Variants in MPP2 observed in about 807,000 individuals in gnomAD.
MPP2 encodes the protein MAGUK p55 subfamily member 2.
In MPP2, 42 loss-of-function variants were observed where a neutral mutation model predicts 58.5. The observed-to-expected ratio is 0.72, with a 90% CI of 0.56 to 0.93. MPP2 has a LOEUF of 0.93. Among genes scored for constraint, MPP2 ranks in the 40% least tolerant of loss-of-function variants. MPP2 has a pLI of 0.00. For synonymous variants in MPP2, 300 were observed against 307.8 expected, an observed-to-expected ratio of 0.97 and a Z score of 0.26; for missense variants, 632 against 760.4, an observed-to-expected ratio of 0.83 and a Z score of 1.99.
At chr17:43,883,386 G>A (rs1252033853) in intron 3 of MPP2, 31 bp from the exon 4 acceptor site, 2 of 1,599,316 alleles carry the variant, frequency 1.3e-6, no homozygotes, top group African/African-American at 1.3e-5. Flanking sequence ...GGTGGGGCTA[G>A]GAGCTTCCCC....
intron 3 of MPP2, among the ~76,000 whole-genome samples, chr17:43,894,617 A>G (rs1412416613): frequency 0.014 from 102 of 7,368 alleles, no homozygotes; most frequent in African/African-American, 0.02. Context: ...ACTCCAGAGG[A>G]AAAAAAAAAA....
intron 1 of MPP2, among the ~76,000 whole-genome samples, chr17:43,906,648 G>A (rs1002460082): frequency 1.3e-5 from 2 of 152,156 alleles, no homozygotes; most frequent in Non-Finnish European, 2.9e-5. Context: ...AGAGGATGGG[G>A]TCGAAAGGCC....
At chr17:43,893,695 T>C (rs1208013840) in intron 3 of MPP2, among the ~76,000 whole-genome samples, 1 of 152,182 alleles carries the variant, frequency 6.6e-6, no homozygotes, top group African/African-American at 2.4e-5. Context: ...GGTTGTGTGC[T>C]CCTTATGAGA....
In MPP2 at chr17:43,877,544, T is replaced by C. The variant is rs1221922372; in HGVS notation, c.*263A>G. ...GGTGACTCTGACACATTCCTGGGCA[T>C]AGCTTGGCCCTCAGAGATATCTGGT... On this transcript the variant is annotated 3_prime_UTR_variant, in exon 13 of 13. Coordinates refer to ENST00000269095, the MANE Select transcript of MPP2 (RefSeq NM_005374.5). The C allele has an allele frequency of 4.1e-6, 2 of 487,194 alleles. No homozygotes were observed. Among genetic ancestry groups the C allele is most frequent in the Middle Eastern group, 5.6e-4 (1 of 1,788 alleles). 30.2% of individuals were successfully genotyped at this position (487,194 alleles called of 1,614,324 possible). A position where few individuals can be genotyped will look rare whatever the true frequency, so the allele number is the denominator to read the frequency against.
intron 3 of MPP2, among the ~76,000 whole-genome samples, chr17:43,893,946 C>T (rs2047710875): frequency 6.6e-6 from 1 of 152,074 alleles, no homozygotes; most frequent in African/African-American, 2.4e-5. Context: ...AACAGAAGCA[C>T]CTTACACTAT....
chr17:43,907,598 C>G (rs371906254), upstream of MPP2: 5 of 985,404 alleles, frequency 5.1e-6, no homozygotes, highest in East Asian at 1.1e-4. Flanking sequence ...GGGCGGAGGT[C>G]CGGAGGAGAG....
chr17:43,888,718 A>G (rs1427587944), intron 3 of MPP2, among the ~76,000 whole-genome samples: 1 of 152,124 alleles, frequency 6.6e-6, no homozygotes, highest in Non-Finnish European at 1.5e-5. Context: ...GGGGGAAGCC[A>G]GGGTGCCTCC....
At position 43,879,802 on chromosome 17, in the gene MPP2, C is replaced by T. The variant is rs1442021506; in HGVS notation, c.1333G>A (p.Val445Met). The T allele has an allele frequency of 3.1e-6, 5 of 1,613,518 alleles. No homozygotes were observed. The highest frequency in any genetic ancestry group is 4.2e-6 in the Non-Finnish European group (5 of 1,179,876). ...RGVVAAGKVC[V>M]LDVNPQAVKV... is the part of the protein sequence containing the mutation. ...GGTACCTGGGGGTTGACATCCAGCA[C>T]GCACACCTTCCCAGCAGCGACCACG... Residue 445 changes from valine (V) to methionine (M), a missense_variant, in exon 11 of 13, where the codon GTG (valine) becomes ATG (methionine). Physicochemically the swap from Val to Met is conservative, Grantham distance 21. Coordinates refer to ENST00000269095, the MANE Select transcript of MPP2 (RefSeq NM_005374.5). This position sits in a 1 kb window ranked among gnomAD's most constrained non-coding sequence, Gnocchi z 4.1.
chr17:43,890,439 T>A (rs1478401294), intron 3 of MPP2, among the ~76,000 whole-genome samples: 1 of 152,308 alleles, frequency 6.6e-6, no homozygotes, highest in Admixed American at 6.5e-5. Flanking sequence ...CACTCTGTTC[T>A]GTTTGCTCCC....
chr17:43,909,450 G>T, upstream of MPP2: 1 of 769,480 alleles, frequency 1.3e-6, no homozygotes, highest in Non-Finnish European at 1.8e-6. Flanking sequence ...CCACCTCTGG[G>T]CTGGAAATCA....
chr17:43,878,545 T>G (rs974285168), intron 12 of MPP2, among the ~76,000 whole-genome samples: 7 of 152,210 alleles, frequency 4.6e-5, no homozygotes, highest in African/African-American at 1.7e-4. Flanking sequence ...ACAGCTCCAG[T>G]TGGCCACACC....
Position 43,904,457 on chromosome 17 carries a change from G to T in MPP2, c.4C>A (p.Pro2Thr). 1 of 1,614,006 alleles carries T rather than the reference G, an allele frequency of 6.2e-7. No individual in the cohort carries two copies. The highest frequency in any genetic ancestry group is 1.1e-5 in the South Asian group (1 of 91,062). M[P>T]VAATNSETAM... ...GTTTCAGAGTTGGTGGCGGCAACCGGCATGGTGAAGGAGGCAAGGGCTCTG... is the reference window on the plus strand; with the variant it reads ...GTTTCAGAGTTGGTGGCGGCAACCGTCATGGTGAAGGAGGCAAGGGCTCTG... The change falls in exon 2 of 13, where the codon CCG becomes ACG. Residue 2 changes from proline (P) to threonine (T), a missense_variant. By Grantham distance (38) the Pro-to-Thr change is conservative. Transcript: ENST00000269095.
chr17:43,885,154 T>C (rs1855737508), intron 3 of MPP2, among the ~76,000 whole-genome samples: 1 of 152,012 alleles, frequency 6.6e-6, no homozygotes, highest in Admixed American at 6.6e-5. Flanking sequence ...TGAGCTCTTC[T>C]TTTCTCCCTA....
chr17:43,891,381 A>G (rs2047599173), intron 3 of MPP2, among the ~76,000 whole-genome samples: 1 of 151,620 alleles, frequency 6.6e-6, no homozygotes, highest in African/African-American at 2.4e-5. Context: ...TTAGCCGGGG[A>G]TGGTGGGCCT....
intron 3 of MPP2, among the ~76,000 whole-genome samples, chr17:43,896,174 G>A (rs971386657): frequency 3.3e-5 from 5 of 151,912 alleles, no homozygotes; most frequent in Admixed American, 2.0e-4. Context: ...TGTCATTGCC[G>A]ACTTCCTGGT....
At chr17:43,900,261 T>G (rs915140421) in intron 2 of MPP2, among the ~76,000 whole-genome samples, 1 of 152,114 alleles carries the variant, frequency 6.6e-6, no homozygotes, top group Non-Finnish European at 1.5e-5. Flanking sequence ...CAGGGACCCT[T>G]CCCTTCCTGC....
intron 3 of MPP2, among the ~76,000 whole-genome samples, chr17:43,890,172 T>C (rs552098972): frequency 1.8e-4 from 28 of 152,036 alleles, no homozygotes; most frequent in Non-Finnish European, 3.4e-4. Context: ...TGGGGTCTGA[T>C]TTTTTTTCAC....
chr17:43,908,289 A>G (rs2048364487), upstream of MPP2, among the ~76,000 whole-genome samples: 3 of 152,136 alleles, frequency 2.0e-5, no homozygotes, highest in South Asian at 6.2e-4. Context: ...TGGGCCTCCA[A>G]ATACGGGAGG....
chr17:43,880,786 G>A lies in MPP2; in HGVS notation c.1055C>T (p.Thr352Ile), dbSNP rs1220466443. 6.2e-7 allele frequency: 1 copy of A among 1,613,876 alleles called. No individual in the cohort carries two copies. The highest frequency in any genetic ancestry group is 2.2e-5 in the East Asian group (1 of 44,876). ...VARMPPFRRK[T>I]LVLIGAQGVG... ...GCCCTGAGCCCCAATCAGTACCAGGGTTTTCCGGCGGAACGGGGGCATGCG... is the reference window on the plus strand; with the variant it reads ...GCCCTGAGCCCCAATCAGTACCAGGATTTTCCGGCGGAACGGGGGCATGCG... Residue 352 changes from threonine (T) to isoleucine (I), a missense_variant, in exon 10 of 13, where the codon ACC (threonine) becomes ATC (isoleucine). Physicochemically the swap from Thr to Ile is moderately conservative, Grantham distance 89. Coordinates refer to ENST00000269095, the MANE Select transcript of MPP2 (RefSeq NM_005374.5). The surrounding 1 kb of genome is among the most constrained non-coding windows in gnomAD (Gnocchi z 5.2).
Sources: allele counts gnomAD v4.1 joint callset (sites outside exome capture counted in the v4.1 genomes callset), GRCh38; gene constraint gnomAD v4.1.1; non-coding constraint Gnocchi (gnomAD v3.1); transcripts MANE v1.5; gene names NCBI Gene and HGNC (gene_info 2026-07-23, HGNC 2026-07-21).